The following MOSMO variants were observed in gnomAD, a reference collection of about 807,000 sequenced individuals.
MOSMO encodes the protein modulator of smoothened.
A neutral mutation model predicts 18.4 loss-of-function variants in MOSMO; 5 were observed. The observed-to-expected ratio is 0.27, with a 90% CI of 0.14 to 0.57. The LOEUF is 0.57. Ranked by LOEUF, MOSMO falls within the 20% of genes least tolerant of loss-of-function variation. MOSMO has a pLI of 0.92. For missense variants in MOSMO, 138 were observed against 211.8 expected (o/e 0.65, Z 2.16); for synonymous variants, 82 against 82.3 (o/e 1.00, Z 0.02).
chr16:22,064,940 T>A (rs528699149), intron 1 of MOSMO, among the ~76,000 whole-genome samples: 13 of 152,346 alleles, frequency 8.5e-5, no homozygotes, highest in African/African-American at 2.9e-4. Context: ...GGTAAGCTTT[T>A]CTTTAATGAA....
intron 1 of MOSMO, among the ~76,000 whole-genome samples, chr16:22,020,713 T>G (rs1360433578): frequency 6.6e-6 from 1 of 152,230 alleles, no homozygotes; most frequent in Non-Finnish European, 1.5e-5. Context: ...TTGAAATACT[T>G]ACTTCTGCAA....
chr16:22,009,194 CTAA>C (rs1049356365), intron 1 of MOSMO, among the ~76,000 whole-genome samples: 5 of 152,200 alleles, frequency 3.3e-5, no homozygotes, highest in Admixed American at 2.0e-4. Flanking sequence ...TATAATACTA[CTAA>C]TAATAAACCT....
At chr16:22,032,966 G>A (rs1900027259) in intron 1 of MOSMO, among the ~76,000 whole-genome samples, 1 of 152,164 alleles carries the variant, frequency 6.6e-6, no homozygotes, top group Admixed American at 6.5e-5. Context: ...GAATAGTCAT[G>A]TCACCCTTGT....
intron 1 of MOSMO, among the ~76,000 whole-genome samples, chr16:22,018,832 G>A (rs1290653791): frequency 6.6e-6 from 1 of 152,260 alleles, no homozygotes; most frequent in South Asian, 2.1e-4. Flanking sequence ...AGGAAGACTT[G>A]GGTGGTTCTT....
intron 1 of MOSMO, among the ~76,000 whole-genome samples, chr16:22,014,769 CTTTAT>C (rs1470123078): frequency 6.6e-6 from 1 of 152,168 alleles, no homozygotes; most frequent in African/African-American, 2.4e-5. Context: ...CTATCTCAAA[CTTTAT>C]TTTATTAATC....
At chr16:22,021,520 G>C (rs1331967585) in intron 1 of MOSMO, among the ~76,000 whole-genome samples, 1 of 152,152 alleles carries the variant, frequency 6.6e-6, no homozygotes, top group African/African-American at 2.4e-5. Flanking sequence ...AAAAGAGTAT[G>C]GGGGCTGGGC....
At chr16:22,029,893 G>T (rs1035852293) in intron 1 of MOSMO, among the ~76,000 whole-genome samples, 3 of 152,188 alleles carry the variant, frequency 2.0e-5, no homozygotes, top group Non-Finnish European at 2.9e-5. Context: ...CTCCCGAAGT[G>T]CTGCGATTAC....
intron 1 of MOSMO, among the ~76,000 whole-genome samples, chr16:22,028,292 G>A (rs1899917778): frequency 6.6e-6 from 1 of 151,250 alleles, no homozygotes; most frequent in East Asian, 1.9e-4. Context: ...TATAATATTT[G>A]TTTTATTATA....
chr16:22,039,124 C>T lies in MOSMO; in HGVS notation c.106+30717C>T, dbSNP rs543001700. On this transcript the variant is annotated intron_variant, in intron 1 of 2. Transcript: ENST00000542527. The stretch of plus-strand genomic sequence containing the variant: ...TCAACCTTCTCTAAGCTTCAGTTTC[C>T]TAACAATAATCATACTGAATCATAT... Among the ~76,000 whole-genome samples, 3 of 152,198 alleles carry T rather than the reference C, an allele frequency of 2.0e-5. No individual in the cohort carries two copies. In the South Asian group the frequency reaches 6.2e-4, roughly 32 times the overall value.
rs2141971960 is a variant in MOSMO at position 22,008,209 on chromosome 16, G to T, written c.-93G>T. 1 of 534,660 alleles carries T rather than the reference G, an allele frequency of 1.9e-6. No homozygotes were observed. The highest frequency in any genetic ancestry group is 5.2e-5 in the East Asian group (1 of 19,326). 33.1% of individuals were successfully genotyped at this position (534,660 alleles called of 1,614,324 possible). On this transcript the variant is annotated 5_prime_UTR_variant, in exon 1 of 3. Coordinates refer to ENST00000542527, the MANE Select transcript of MOSMO (RefSeq NM_001164579.2). ...CGAGGGGGCGCGAGGCAGCGGCGCG[G>T]GGACTCCGGGCCCCGGCGGCGGCCC...
At chr16:22,079,424 A>G (rs1349843752) in intron 2 of MOSMO, among the ~76,000 whole-genome samples, 1 of 152,224 alleles carries the variant, frequency 6.6e-6, no homozygotes, top group Admixed American at 6.5e-5. Context: ...TTTTCTTGGA[A>G]AAGCTAGCCT....
At chr16:22,017,985 AGT>A (rs1899675630) in intron 1 of MOSMO, among the ~76,000 whole-genome samples, 2 of 152,208 alleles carry the variant, frequency 1.3e-5, no homozygotes, top group South Asian at 2.1e-4. Flanking sequence ...GGGAAGTTTC[AGT>A]GTGTGACTCC....
At chr16:22,021,694 A>G (rs1899766275) in intron 1 of MOSMO, among the ~76,000 whole-genome samples, 2 of 152,012 alleles carry the variant, frequency 1.3e-5, no homozygotes, top group Admixed American at 1.3e-4. Context: ...GCTACTCAGG[A>G]GGCGTAGGTG....
At chr16:22,039,863 T>C (rs1297796485) in intron 1 of MOSMO, among the ~76,000 whole-genome samples, 1 of 152,224 alleles carries the variant, frequency 6.6e-6, no homozygotes, top group South Asian at 2.1e-4. Context: ...ATTTTTCTTA[T>C]GGCATTTATG....
chr16:22,078,329 T>C (rs1901012981), intron 2 of MOSMO, among the ~76,000 whole-genome samples: 1 of 152,172 alleles, frequency 6.6e-6, no homozygotes, highest in African/African-American at 2.4e-5. Context: ...TAGTTCACAA[T>C]AGCTTAAAAG....
chr16:22,078,961 G>A (rs576881222), intron 2 of MOSMO, among the ~76,000 whole-genome samples: 1 of 152,278 alleles, frequency 6.6e-6, no homozygotes, highest in East Asian at 1.9e-4. Flanking sequence ...ATATTATTTG[G>A]TGTGGTCATT....
At chr16:22,075,882 G>A (rs552409415) in intron 2 of MOSMO, 183 bp downstream of exon 2, 3 of 543,230 alleles carry the variant, frequency 5.5e-6, no homozygotes, top group South Asian at 4.2e-5. Context: ...TGCAAGACCA[G>A]GACATCCACA....
At chr16:22,043,674 T>C (rs991931216) in intron 1 of MOSMO, among the ~76,000 whole-genome samples, 1 of 152,142 alleles carries the variant, frequency 6.6e-6, no homozygotes, top group Non-Finnish European at 1.5e-5. Flanking sequence ...CTCCCAGCCA[T>C]AGAGAAAGCT....
At chr16:22,078,954 T>A (rs1015146263) in intron 2 of MOSMO, among the ~76,000 whole-genome samples, 57 of 152,216 alleles carry the variant, frequency 3.7e-4, no homozygotes, top group Admixed American at 3.3e-3. Context: ...TTATGTAATA[T>A]TATTTGGTGT....
Sources: gnomAD v4.1 joint callset for allele counts (sites outside exome capture counted in the v4.1 genomes callset) on GRCh38, gnomAD v4.1.1 for gene constraint, MANE v1.5 for transcripts, NCBI Gene and HGNC (gene_info 2026-07-23, HGNC 2026-07-21) for gene names.